Variants in LEKR1 observed in about 807,000 individuals in gnomAD.
The protein encoded by LEKR1 is leucine, glutamate and lysine rich 1.
Under a neutral mutation model 72.4 loss-of-function variants are expected in LEKR1, and 59 were observed. The ratio of observed to expected loss-of-function variants is 0.82; its 90% CI spans 0.66 to 1.01. The LOEUF is 1.01. Among genes scored for constraint, LEKR1 ranks in the 50% least tolerant of loss-of-function variants. The probability of loss-of-function intolerance (pLI) is 0.00; values close to 1 mark genes in which losing one functional copy is unlikely to be tolerated. For missense variants in LEKR1, 728 were observed against 759.2 expected, an observed-to-expected ratio of 0.96 and a Z score of 0.48; for synonymous variants, 257 against 263.2, an observed-to-expected ratio of 0.98 and a Z score of 0.23.
At chr3:156,870,528 A>C (rs1211935840) in intron 3 of LEKR1, among the ~76,000 whole-genome samples, 1 of 152,008 alleles carries the variant, frequency 6.6e-6, no homozygotes, top group Non-Finnish European at 1.5e-5. Flanking sequence ...TGATTTTTGT[A>C]TGTTAATTTA....
chr3:156,859,276 A>C (rs1716463557), intron 3 of LEKR1, among the ~76,000 whole-genome samples: 1 of 152,178 alleles, frequency 6.6e-6, no homozygotes, highest in Non-Finnish European at 1.5e-5. Context: ...CTATGTCAAA[A>C]TTAAGTTCAT....
rs956997752 is a variant in LEKR1, at chr3:157,030,316, C to T, written c.1668+1914C>T. 3.3e-5 allele frequency among the ~76,000 whole-genome samples: 5 copies of T among 152,274 alleles called. No individual in the cohort carries two copies. In the East Asian group the frequency reaches 7.7e-4, roughly 23 times the overall value. On this transcript the variant is annotated intron_variant, in intron 12 of 12. Transcript: ENST00000356539. ...ACCTCCAACATTGAGGATTACATTT[C>T]AACATGAGATTTGGAGTTGACAAAC...
chr3:156,922,471 A>G lies in LEKR1; in HGVS notation c.383+1777A>G, dbSNP rs7613807. On this transcript the variant is annotated intron_variant, in intron 4 of 12. Coordinates refer to ENST00000356539, the MANE Select transcript of LEKR1 (RefSeq NM_001004316.3). ...ATGAGCTTTTTACTCAGATATAATC[A>G]TCTTTATTTATGGAGCCTAAAAGGA... is the stretch of plus-strand genomic sequence containing the variant. Among the ~76,000 whole-genome samples, 713 of 151,584 alleles carry G rather than the reference A, an allele frequency of 4.7e-3. 6 individuals are homozygous for G. Among genetic ancestry groups the G allele is most frequent in the African/African-American group, 0.017 (689 of 41,456 alleles).
intron 7 of LEKR1, among the ~76,000 whole-genome samples, chr3:156,991,418 G>A (rs6441107): frequency 0.74 from 112,105 of 151,842 alleles, 41,779 homozygotes; most frequent in East Asian, 0.94. Flanking sequence ...GTTCATGATG[G>A]TTTTTACATT....
intron 3 of LEKR1, among the ~76,000 whole-genome samples, chr3:156,893,309 G>A (rs767551234): frequency 3.9e-5 from 6 of 152,118 alleles, no homozygotes; most frequent in Non-Finnish European, 8.8e-5. Flanking sequence ...AAGGAGTTGT[G>A]ATGTGACGGA....
chr3:156,839,377 A>T (rs1560015306), intron 2 of LEKR1, among the ~76,000 whole-genome samples: 1 of 152,230 alleles, frequency 6.6e-6, no homozygotes, highest in Non-Finnish European at 1.5e-5. Flanking sequence ...ACCTTGAAAG[A>T]TTACACCATT....
intron 12 of LEKR1, among the ~76,000 whole-genome samples, chr3:157,041,111 A>C (rs894323016): frequency 1.2e-4 from 18 of 152,010 alleles, no homozygotes; most frequent in African/African-American, 4.4e-4. Flanking sequence ...TCTCAGGGGG[A>C]GGGCAATTAA....
chr3:157,014,289 T>A (rs1485735267), intron 10 of LEKR1, among the ~76,000 whole-genome samples: 4 of 152,240 alleles, frequency 2.6e-5, no homozygotes, highest in African/African-American at 9.6e-5. Flanking sequence ...ATTTCACTAA[T>A]GACCTCATTT....
In LEKR1 at chr3:156,874,402, A is replaced by G. The variant is rs79734447; in HGVS notation, c.263+21420A>G. Among the ~76,000 whole-genome samples the G allele has an allele frequency of 7.7e-4, 117 of 152,142 alleles. No homozygotes were observed. In the East Asian group the frequency reaches 0.018, roughly 24 times the overall value. Reference sequence around the variant, plus strand: ...TCAGTCATTTGCAGTTTGCTTTTTCATATACTACCTCTGACCATTTTTATT... The same window carrying G: ...TCAGTCATTTGCAGTTTGCTTTTTCGTATACTACCTCTGACCATTTTTATT... On this transcript the variant is annotated intron_variant, in intron 3 of 12. Transcript: ENST00000356539.
chr3:156,868,141 A>G (rs1717518168), intron 3 of LEKR1, among the ~76,000 whole-genome samples: 1 of 152,040 alleles, frequency 6.6e-6, no homozygotes, highest in Non-Finnish European at 1.5e-5. Context: ...CCGGCATTTC[A>G]GGTTCTGTTC....
intron 1 of LEKR1, among the ~76,000 whole-genome samples, chr3:156,828,906 A>G (rs1285357939): frequency 6.6e-6 from 1 of 152,230 alleles, no homozygotes; most frequent in Non-Finnish European, 1.5e-5. Flanking sequence ...CTATATTTTC[A>G]TACTTTTTCT....
At chr3:156,882,522 G>A (rs1051103189) in intron 3 of LEKR1, among the ~76,000 whole-genome samples, 105 of 152,150 alleles carry the variant, frequency 6.9e-4, no homozygotes, top group African/African-American at 1.1e-3. Context: ...GAGAGGATGT[G>A]GAGAAATAGG....
intron 7 of LEKR1, among the ~76,000 whole-genome samples, chr3:156,991,494 T>C (rs1451540944): frequency 6.6e-6 from 1 of 152,140 alleles, no homozygotes; most frequent in Admixed American, 6.5e-5. Flanking sequence ...CATTGTGTGA[T>C]TTACAAGCTA....
At chr3:157,029,804 A>T (rs6774012) in intron 12 of LEKR1, among the ~76,000 whole-genome samples, 2 of 151,862 alleles carry the variant, frequency 1.3e-5, no homozygotes, top group Non-Finnish European at 2.9e-5. Flanking sequence ...GGGAAGCAGG[A>T]TAAAGGACAG....
rs1216333182 is a variant in LEKR1 at position 156,942,583 on chromosome 3, T to C, written c.614T>C (p.Leu205Pro). ...LTVSQRNKVCLEKEMKNLKLL... is the reference protein window; with the variant it reads ...LTVSQRNKVCPEKEMKNLKLL... ...GTATCCCAGAGAAATAAAGTATGCC[T>C]TGAAAAGGAAATGAAAAATCTGAAA... is the stretch of plus-strand genomic sequence containing the variant. The change falls in exon 6 of 13, where the codon CTT (leucine) becomes CCT (proline). Residue 205 changes from leucine to proline, a missense_variant. Coordinates refer to ENST00000356539, the MANE Select transcript of LEKR1 (RefSeq NM_001004316.3). The C allele has an allele frequency of 7.9e-7, 1 of 1,267,844 alleles. No individual in the cohort carries two copies. The highest frequency in any genetic ancestry group is 1.0e-6 in the Non-Finnish European group (1 of 975,002). The allele number at this position is 1,267,844 out of a possible 1,614,324, so 78.5% of individuals were successfully genotyped here. A position where few individuals can be genotyped will look rare whatever the true frequency, so the allele number is the denominator to read the frequency against.
chr3:156,829,124 A>G (rs1712031925), intron 1 of LEKR1, among the ~76,000 whole-genome samples, 162 bp from the exon 2 acceptor site: 1 of 152,242 alleles, frequency 6.6e-6, no homozygotes, highest in Non-Finnish European at 1.5e-5. Context: ...ACTAACGGAG[A>G]AAACCCTAAC....
chr3:156,943,818 A>C (rs1481745976), intron 6 of LEKR1, among the ~76,000 whole-genome samples: 5 of 151,912 alleles, frequency 3.3e-5, no homozygotes. Context: ...AGAAGATAAC[A>C]AGTCATCATA....
intron 3 of LEKR1, among the ~76,000 whole-genome samples, chr3:156,873,972 T>C (rs1718272355): frequency 6.6e-6 from 1 of 152,108 alleles, no homozygotes; most frequent in Non-Finnish European, 1.5e-5. Context: ...TAATGTGCTA[T>C]GGTGAAGACC....
At chr3:156,846,730 G>A (rs1039915015) in intron 2 of LEKR1, among the ~76,000 whole-genome samples, 4 of 152,130 alleles carry the variant, frequency 2.6e-5, no homozygotes, top group African/African-American at 7.2e-5. Context: ...TATCTACAAA[G>A]AATAGTTTAT....
Sources: allele counts gnomAD v4.1 joint callset (sites outside exome capture counted in the v4.1 genomes callset), GRCh38; gene constraint gnomAD v4.1.1; transcripts MANE v1.5; gene names NCBI Gene and HGNC (gene_info 2026-07-23, HGNC 2026-07-21).